Variants in SOS1 observed in about 807,000 individuals in gnomAD.
The protein encoded by SOS1 is SOS Ras/Rac guanine nucleotide exchange factor 1.
A neutral mutation model predicts 157.6 loss-of-function variants in SOS1; 25 were observed. That is an observed-to-expected ratio of 0.16 (90% CI 0.12 to 0.22). The LOEUF (loss-of-function observed/expected upper bound fraction) is 0.22. Among genes scored for constraint, SOS1 ranks in the 10% least tolerant of loss-of-function variants. The pLI is 1.00. For missense variants in SOS1, 1,237 were observed against 1,599.1 expected (o/e 0.77, Z 3.86); for synonymous variants, 528 against 534.0 (o/e 0.99, Z 0.16).
At chr2:39,005,759 T>G (rs748263851) in intron 17 of SOS1, among the ~76,000 whole-genome samples, 3 of 152,032 alleles carry the variant, frequency 2.0e-5, no homozygotes, top group East Asian at 1.9e-4. Context: ...AAAGAGACTA[T>G]AGAGAGATCA....
intron 6 of SOS1, among the ~76,000 whole-genome samples, chr2:39,036,157 C>G (rs572708202): frequency 1.3e-5 from 2 of 152,204 alleles, no homozygotes; most frequent in Non-Finnish European, 2.9e-5. Flanking sequence ...AATAGAGTCG[C>G]TACTCTTCTA....
intron 6 of SOS1, among the ~76,000 whole-genome samples, chr2:39,041,560 T>C (rs370253904): frequency 1.3e-5 from 2 of 152,388 alleles, no homozygotes; most frequent in East Asian, 3.9e-4. Context: ...CTTTTTCTTT[T>C]ATAGCTTGTG....
Position 39,054,648 on chromosome 2 carries a change from G to A in SOS1, c.686C>T (p.Pro229Leu). ...AAACAATTTTGAATTGGAGACAAAG[G>A]GCTCTCTAAAAACTTTTATAATTAG... is the stretch of plus-strand genomic sequence containing the variant. ...LNLIIKVFRE[P>L]FVSNSKLFSA... Residue 229 changes from proline (P) to leucine (L), a missense_variant, in exon 5 of 23, where the codon CCC (proline) becomes CTC (leucine). This residue lies in a region of SOS1 where 108 missense variants were observed against 115.3 expected (regional missense o/e 0.94). Coordinates refer to ENST00000402219, the MANE Select transcript of SOS1 (RefSeq NM_005633.4). 6.3e-7 allele frequency: 1 copy of A among 1,586,218 alleles called. No homozygotes were observed. Among genetic ancestry groups the A allele is most frequent in the Non-Finnish European group, 8.7e-7 (1 of 1,155,086 alleles).
intron 6 of SOS1, among the ~76,000 whole-genome samples, chr2:39,047,202 A>G (rs1374378971): frequency 6.6e-6 from 1 of 152,190 alleles, no homozygotes. Context: ...TTTGAGTCTT[A>G]TTATACTCAG....
chr2:39,113,546 A>C (rs116476922), intron 1 of SOS1, among the ~76,000 whole-genome samples: 1,562 of 152,078 alleles, frequency 0.01, 9 homozygotes, highest in Middle Eastern at 0.031. Context: ...AAAATAAATA[A>C]ATAAAATAAT....
intron 1 of SOS1, among the ~76,000 whole-genome samples, chr2:39,109,182 G>C (rs1282847927): frequency 6.6e-6 from 1 of 152,134 alleles, no homozygotes; most frequent in African/African-American, 2.4e-5. Flanking sequence ...CTGGATGACA[G>C]AGCGAGAACT....
chr2:39,037,292 G>A (rs949718942), intron 6 of SOS1, among the ~76,000 whole-genome samples: 3 of 152,206 alleles, frequency 2.0e-5, no homozygotes, highest in Non-Finnish European at 4.4e-5. Context: ...AATGTGAAGA[G>A]ATGCTTATAG....
chr2:38,997,239 A>G lies in SOS1; in HGVS notation c.2964+14T>C, dbSNP rs201067095. 3 of 1,591,480 alleles carry G rather than the reference A, an allele frequency of 1.9e-6. No individual in the cohort carries two copies. Among genetic ancestry groups the G allele is most frequent in the African/African-American group, 1.3e-5 (1 of 74,400 alleles). On this transcript the variant is annotated intron_variant, in intron 18 of 22. Transcript: ENST00000402219. ...CTTAATCAGAAGTATGAATCTTTAA[A>G]TAATTCAACTTACTTTGATATCTGA...
At chr2:39,036,006 C>T (rs558080612) in intron 6 of SOS1, among the ~76,000 whole-genome samples, 7 of 152,026 alleles carry the variant, frequency 4.6e-5, no homozygotes, top group South Asian at 2.1e-4. Flanking sequence ...AAACAAAATC[C>T]GAACTGCCCA....
At chr2:39,002,793 G>A (rs530253874) in intron 17 of SOS1, among the ~76,000 whole-genome samples, 3 of 152,010 alleles carry the variant, frequency 2.0e-5, no homozygotes, top group Admixed American at 6.6e-5. Flanking sequence ...GGCTGGGTAC[G>A]GTGGCTCACA....
chr2:39,001,871 G>A lies in SOS1; in HGVS notation c.2792-4446C>T, dbSNP rs118088138. Among the ~76,000 whole-genome samples, 229 of 152,332 alleles carry A rather than the reference G, an allele frequency of 1.5e-3. 1 individual carries two copies. Among genetic ancestry groups the A allele is most frequent in the East Asian group, 0.012 (61 of 5,176 alleles). ...AAGATGGGCAAGAAGAAAGGGGTAC[G>A]AAGGTTGGCAGATGGGCTGCACCTA... On this transcript the variant is annotated intron_variant, in intron 17 of 22. Coordinates refer to ENST00000402219, the MANE Select transcript of SOS1 (RefSeq NM_005633.4).
intron 1 of SOS1, among the ~76,000 whole-genome samples, chr2:39,075,912 AT>A (rs1671956018): frequency 6.6e-6 from 1 of 152,178 alleles, no homozygotes; most frequent in African/African-American, 2.4e-5. Context: ...GAAATAAAAC[AT>A]TTCTAATGGT....
At chr2:39,118,085 T>G (rs939402486) in intron 1 of SOS1, among the ~76,000 whole-genome samples, 3 of 152,146 alleles carry the variant, frequency 2.0e-5, no homozygotes, top group Non-Finnish European at 4.4e-5. Flanking sequence ...GGCAAGTAAA[T>G]AGGAACTTAA....
At chr2:39,058,591 C>G in intron 3 of SOS1, 82 bp downstream of exon 3, 1 of 1,421,366 alleles carries the variant, frequency 7.0e-7, no homozygotes, top group South Asian at 1.2e-5. Context: ...ACTCAATTAT[C>G]CATAAAATAT....
chr2:39,093,627 G>A (rs1018568063), intron 1 of SOS1, among the ~76,000 whole-genome samples: 1 of 152,184 alleles, frequency 6.6e-6, no homozygotes, highest in African/African-American at 2.4e-5. Context: ...CCAGAGACAC[G>A]AGATTGTTTA....
At chr2:39,114,541 G>A (rs1402584920) in intron 1 of SOS1, among the ~76,000 whole-genome samples, 2 of 152,048 alleles carry the variant, frequency 1.3e-5, no homozygotes, top group Non-Finnish European at 2.9e-5. Context: ...GACCTCAGGT[G>A]ATCCCCCGCC....
chr2:39,120,492 G>A lies in SOS1; in HGVS notation c.-70C>T, dbSNP rs1364295883. ...CCGGGCCAGGGAGCCGCGAGAGGGC[G>A]AGCTCGCAGCGCGGAACAGGGCCGC... is the stretch of plus-strand genomic sequence containing the variant. On this transcript the variant is annotated 5_prime_UTR_variant, in exon 1 of 23. Transcript: ENST00000402219. The A allele has an allele frequency of 4.3e-6, 6 of 1,395,384 alleles. No individual in the cohort carries two copies. In the South Asian group the frequency reaches 8.8e-5, roughly 21 times the overall value. 86.4% of individuals were successfully genotyped at this position (1,395,384 alleles called of 1,614,324 possible). A position where few individuals can be genotyped will look rare whatever the true frequency, so the allele number is the denominator to read the frequency against.
At chr2:39,123,068 C>T (rs1157002902), upstream of SOS1, among the ~76,000 whole-genome samples, 1 of 152,198 alleles carries the variant, frequency 6.6e-6, no homozygotes, top group Admixed American at 6.5e-5. Flanking sequence ...CACCACACTC[C>T]AGTCACAGTA....
chr2:39,004,212 A>G (rs1558464630), intron 17 of SOS1, among the ~76,000 whole-genome samples: 3 of 152,088 alleles, frequency 2.0e-5, no homozygotes, highest in Admixed American at 6.5e-5. Flanking sequence ...TCAGGAGATC[A>G]AGACCATCTT....
Sources: gnomAD v4.1 joint callset for allele counts (sites outside exome capture counted in the v4.1 genomes callset) on GRCh38, gnomAD v4.1.1 for gene constraint, gnomAD v4.1.1 regional missense constraint, MANE v1.5 for transcripts, NCBI Gene and HGNC (gene_info 2026-07-23, HGNC 2026-07-21) for gene names.